ARHGAP15: variants seen among roughly 807,000 people sequenced by gnomAD.
ARHGAP15 encodes rho GTPase-activating protein 15.
In ARHGAP15, 51 loss-of-function variants were observed where a neutral mutation model predicts 63.7. That is an observed-to-expected ratio of 0.80 (90% CI 0.64 to 1.01). The LOEUF (loss-of-function observed/expected upper bound fraction) is 1.01, where lower values mean the gene tolerates loss of function less well. Among genes scored for constraint, ARHGAP15 ranks in the 50% least tolerant of loss-of-function variants. The probability of loss-of-function intolerance (pLI) is 0.00; values close to 1 mark genes in which losing one functional copy is unlikely to be tolerated. For synonymous variants in ARHGAP15, 191 were observed against 193.8 expected, an observed-to-expected ratio of 0.99 and a Z score of 0.12; for missense variants, 560 against 564.6, an observed-to-expected ratio of 0.99 and a Z score of 0.08.
chr2:143,754,803 C>T (rs2105534655), intron 13 of ARHGAP15, among the ~76,000 whole-genome samples: 1 of 152,362 alleles, frequency 6.6e-6, no homozygotes, highest in South Asian at 2.1e-4. Flanking sequence ...TCTTTATCTA[C>T]CTTCCAATCT....
intron 2 of ARHGAP15, among the ~76,000 whole-genome samples, chr2:143,185,286 T>C (rs1171295935): frequency 6.6e-6 from 1 of 152,224 alleles, no homozygotes; most frequent in East Asian, 1.9e-4. Flanking sequence ...TTCTCTTTAA[T>C]TTACTTCGTC....
chr2:143,456,680 T>C (rs1690669812), intron 8 of ARHGAP15, among the ~76,000 whole-genome samples: 1 of 152,088 alleles, frequency 6.6e-6, no homozygotes. Flanking sequence ...TATTTAGTTT[T>C]GGAGTCTAGA....
In ARHGAP15 at chr2:143,576,635, C is replaced by G. The variant is rs554855676; in HGVS notation, c.1003+20150C>G. Among the ~76,000 whole-genome samples, 12 of 152,040 alleles carry G rather than the reference C, an allele frequency of 7.9e-5. No individual in the cohort carries two copies. The East Asian group carries it at 2.3e-3, about 29-fold the overall frequency. ...GTAGGACATCATATAACCTAGCATA[C>G]CTTTAATGGAATACAGCAAAGAACA... On this transcript the variant is annotated intron_variant, in intron 11 of 13. Coordinates refer to ENST00000295095, the MANE Select transcript of ARHGAP15 (RefSeq NM_018460.4).
In ARHGAP15 at chr2:143,487,488, T is replaced by G. The variant is rs772733751; in HGVS notation, c.819T>G (p.Leu273=). ...PSLKTLQEKG[L]IKDQIFGSHL... ...TGAAAACTCTGCAAGAAAAAGGACT[T>G]ATTAAAGGTACAGGTCATTTTATAC... Residue 273 remains leucine (L), a synonymous_variant, in exon 9 of 14, where the codon CTT becomes CTG. Coordinates refer to ENST00000295095, the MANE Select transcript of ARHGAP15 (RefSeq NM_018460.4). The G allele has an allele frequency of 2.5e-6, 4 of 1,612,602 alleles. No individual in the cohort carries two copies. The South Asian group carries it at 4.4e-5, about 18-fold the overall frequency.
At chr2:143,454,755 A>G (rs552664027) in intron 8 of ARHGAP15, among the ~76,000 whole-genome samples, 4 of 152,190 alleles carry the variant, frequency 2.6e-5, no homozygotes, top group African/African-American at 9.6e-5. Flanking sequence ...AAAATGCTCT[A>G]TATCTGGTGA....
At chr2:143,678,423 G>C (rs954225919) in intron 12 of ARHGAP15, among the ~76,000 whole-genome samples, 2 of 152,142 alleles carry the variant, frequency 1.3e-5, no homozygotes, top group South Asian at 4.1e-4. Flanking sequence ...CCTTAGAGGG[G>C]AATATTCAGT....
In ARHGAP15 at chr2:143,501,874, A is replaced by G. The variant is rs139966562; in HGVS notation, c.826+14379A>G. ...GTGTAGCAGCCGACTGGACTTTTCCATAGGAGAGGTCTCTGCCTAGGTTTC... is the reference window on the plus strand; with the variant it reads ...GTGTAGCAGCCGACTGGACTTTTCCGTAGGAGAGGTCTCTGCCTAGGTTTC... On this transcript the variant is annotated intron_variant, in intron 9 of 13. Coordinates refer to ENST00000295095, the MANE Select transcript of ARHGAP15 (RefSeq NM_018460.4). Among the ~76,000 whole-genome samples, 668 of 152,312 alleles carry G rather than the reference A, an allele frequency of 4.4e-3. 5 individuals are homozygous for G. The highest frequency in any genetic ancestry group is 0.015 in the African/African-American group (622 of 41,562).
intron 6 of ARHGAP15, among the ~76,000 whole-genome samples, chr2:143,404,516 A>G (rs934601758): frequency 7.9e-5 from 12 of 152,110 alleles, no homozygotes; most frequent in African/African-American, 2.9e-4. Flanking sequence ...CACCTAAAGC[A>G]TGGGTACTTC....
intron 8 of ARHGAP15, among the ~76,000 whole-genome samples, chr2:143,475,171 A>G (rs1441668103): frequency 6.6e-6 from 1 of 152,174 alleles, no homozygotes; most frequent in Non-Finnish European, 1.5e-5. Context: ...ATGAATTATG[A>G]TTATTGCAAT....
At position 143,503,201 on chromosome 2, in the gene ARHGAP15, G is replaced by C. The variant is rs558816407; in HGVS notation, c.826+15706G>C. On this transcript the variant is annotated intron_variant, in intron 9 of 13. Coordinates refer to ENST00000295095, the MANE Select transcript of ARHGAP15 (RefSeq NM_018460.4). The stretch of plus-strand genomic sequence containing the variant: ...AAAGAGATACTACAGCACAATAACT[G>C]TATTAGTTTTATATAATGTTTGAGT... 5.9e-5 allele frequency among the ~76,000 whole-genome samples: 9 copies of C among 152,270 alleles called. No homozygotes were observed. The East Asian group carries it at 1.7e-3, about 29-fold the overall frequency.
intron 9 of ARHGAP15, among the ~76,000 whole-genome samples, chr2:143,517,792 G>T (rs2104978632): frequency 6.6e-6 from 1 of 152,294 alleles, no homozygotes; most frequent in South Asian, 2.1e-4. Context: ...GATACCATTT[G>T]ATCAGAGACC....
At chr2:143,712,142 G>T (rs1396872338) in intron 13 of ARHGAP15, among the ~76,000 whole-genome samples, 2 of 152,166 alleles carry the variant, frequency 1.3e-5, no homozygotes, top group Non-Finnish European at 2.9e-5. Context: ...GGAGTGATAG[G>T]GAGAATGGGG....
At chr2:143,473,995 A>G (rs780042058) in intron 8 of ARHGAP15, among the ~76,000 whole-genome samples, 1 of 152,160 alleles carries the variant, frequency 6.6e-6, no homozygotes, top group Non-Finnish European at 1.5e-5. Context: ...CCAAAAGTTC[A>G]AGTTTCAGAG....
At chr2:143,376,744 G>A (rs1317820251) in intron 6 of ARHGAP15, among the ~76,000 whole-genome samples, 1 of 151,520 alleles carries the variant, frequency 6.6e-6, no homozygotes, top group Non-Finnish European at 1.5e-5. Flanking sequence ...ACTTTCTTCT[G>A]GCTTTCTGTT....
intron 6 of ARHGAP15, among the ~76,000 whole-genome samples, chr2:143,419,788 T>G (rs1688839566): frequency 6.6e-6 from 1 of 152,162 alleles, no homozygotes; most frequent in Non-Finnish European, 1.5e-5. Flanking sequence ...TTTCTGGTTT[T>G]GCATATTTTA....
intron 13 of ARHGAP15, among the ~76,000 whole-genome samples, chr2:143,752,256 T>C (rs1686407661): frequency 6.6e-6 from 1 of 152,158 alleles, no homozygotes; most frequent in South Asian, 2.1e-4. Flanking sequence ...TAGTCAACCC[T>C]CATTTACAGA....
intron 12 of ARHGAP15, among the ~76,000 whole-genome samples, chr2:143,666,260 T>G (rs1339626645): frequency 6.9e-6 from 1 of 145,510 alleles, no homozygotes; most frequent in African/African-American, 2.5e-5. Context: ...TCAGAAATAA[T>G]GCCGCATGTC....
At chr2:143,168,799 A>C (rs1690650581) in intron 2 of ARHGAP15, among the ~76,000 whole-genome samples, 1 of 152,042 alleles carries the variant, frequency 6.6e-6, no homozygotes. Context: ...CATTTACTTT[A>C]CATTCTCACT....
chr2:143,505,663 G>A (rs1458655380), intron 9 of ARHGAP15, among the ~76,000 whole-genome samples: 3 of 152,138 alleles, frequency 2.0e-5, no homozygotes, highest in Non-Finnish European at 4.4e-5. Context: ...CCTGAGTAGA[G>A]GTTACATCAC....
Sources: gnomAD v4.1 joint callset for allele counts (sites outside exome capture counted in the v4.1 genomes callset) on GRCh38, gnomAD v4.1.1 for gene constraint, MANE v1.5 for transcripts, NCBI Gene and HGNC (gene_info 2026-07-23, HGNC 2026-07-21) for gene names.